The following KIAA0319L variants were observed in gnomAD, a reference collection of about 807,000 sequenced individuals.
KIAA0319L encodes the protein KIAA0319 like.
KIAA0319L carries 55 observed loss-of-function variants against 120.1 expected under a neutral mutation model. That is an observed-to-expected ratio of 0.46 (90% CI 0.37 to 0.57). The LOEUF is 0.57. Ranked by LOEUF, KIAA0319L falls within the 20% of genes least tolerant of loss-of-function variation. The pLI is 0.00. For missense variants in KIAA0319L, 1,049 were observed against 1,255.3 expected, an observed-to-expected ratio of 0.84 and a Z score of 2.48; for synonymous variants, 398 against 471.9, an observed-to-expected ratio of 0.84 and a Z score of 2.03.
At chr1:35,448,771 A>G (rs982966867) in intron 15 of KIAA0319L, among the ~76,000 whole-genome samples, 6 of 152,150 alleles carry the variant, frequency 3.9e-5, no homozygotes, top group African/African-American at 1.4e-4. Context: ...AATGGGAGGA[A>G]AAGTGTCCAT....
intron 3 of KIAA0319L, among the ~76,000 whole-genome samples, chr1:35,482,877 G>GATTATA (rs1644231921): frequency 1.3e-5 from 2 of 152,184 alleles, no homozygotes; most frequent in Admixed American, 6.5e-5. Flanking sequence ...ACCACCACCA[G>GATTATA]TGTATTTCAG....
At chr1:35,441,020 A>G (rs766513650) in intron 20 of KIAA0319L, 27 bp downstream of exon 20, 1 of 1,577,618 alleles carries the variant, frequency 6.3e-7, no homozygotes, top group South Asian at 1.1e-5. Flanking sequence ...GCACAGACCT[A>G]GAAGCTCTGG....
chr1:35,454,581 A>G, intron 10 of KIAA0319L, 96 bp from the exon 11 acceptor site: 1 of 1,543,096 alleles, frequency 6.5e-7, no homozygotes, highest in Non-Finnish European at 8.8e-7. Flanking sequence ...TTTCTAAACC[A>G]AAGACCTAAG....
At chr1:35,480,659 G>T (rs1197035915) in intron 3 of KIAA0319L, among the ~76,000 whole-genome samples, 2 of 152,058 alleles carry the variant, frequency 1.3e-5, no homozygotes, top group Admixed American at 6.6e-5. Context: ...GTACACGCCT[G>T]TAGTCCCAGC....
rs773630946 is a variant in KIAA0319L, at chr1:35,456,189, T to C, written c.1480A>G (p.Thr494Ala). ...GATNSTTANL[T>A]VNKAVDYPPV... ...GGGTAATCCACAGCTTTGTTCACTG[T>C]CAGGTTTGCAGTAGTAGAGTTGGTA... Residue 494 changes from threonine (T) to alanine (A), a missense_variant, in exon 10 of 21, where the codon ACA becomes GCA. Coordinates refer to ENST00000325722, the MANE Select transcript of KIAA0319L (RefSeq NM_024874.5). The C allele has an allele frequency of 6.2e-7, 1 of 1,611,956 alleles. No homozygotes were observed.
intron 4 of KIAA0319L, among the ~76,000 whole-genome samples, 157 bp downstream of exon 4, chr1:35,478,809 A>G (rs76739912): frequency 0.018 from 2,817 of 152,318 alleles, 91 homozygotes; most frequent in African/African-American, 0.065. Flanking sequence ...AAGGCTCTAG[A>G]GCCCCCAGTC....
At position 35,549,953 on chromosome 1, in the gene KIAA0319L, T is replaced by C. The variant is rs140506841; in HGVS notation, c.142+4397A>G. On this transcript the variant is annotated intron_variant, in intron 2 of 20. Coordinates refer to ENST00000325722, the MANE Select transcript of KIAA0319L (RefSeq NM_024874.5). ...GTCTGCTCTCAAGAAGCTGACAATC[T>C]ATTGTAGGAATTTCCAAAACTCCTG... 7.2e-5 allele frequency among the ~76,000 whole-genome samples: 11 copies of C among 152,334 alleles called. No homozygotes were observed. In the East Asian group the frequency reaches 1.9e-3, roughly 27 times the overall value.
At chr1:35,555,158 T>C (rs746298716) in intron 1 of KIAA0319L, among the ~76,000 whole-genome samples, 15 of 152,158 alleles carry the variant, frequency 9.9e-5, no homozygotes, top group Non-Finnish European at 2.1e-4. Context: ...GGCTGGATTA[T>C]TTAGGTCTCT....
intron 2 of KIAA0319L, among the ~76,000 whole-genome samples, chr1:35,549,723 A>G (rs1219869716): frequency 6.6e-6 from 1 of 152,212 alleles, no homozygotes; most frequent in Non-Finnish European, 1.5e-5. Flanking sequence ...ATTTTAGTCA[A>G]TCTTGTTGGT....
At chr1:35,494,837 C>T in intron 3 of KIAA0319L, among the ~76,000 whole-genome samples, 1 of 152,086 alleles carries the variant, frequency 6.6e-6, no homozygotes, top group Non-Finnish European at 1.5e-5. Flanking sequence ...GTTATCAAGA[C>T]AGTGTAGAAC....
chr1:35,528,852 T>C (rs2148463071), intron 2 of KIAA0319L, among the ~76,000 whole-genome samples: 1 of 152,352 alleles, frequency 6.6e-6, no homozygotes, highest in South Asian at 2.1e-4. Context: ...CATTATATAA[T>C]GACCTTCTTT....
At chr1:35,499,180 G>A (rs1470063940) in intron 3 of KIAA0319L, among the ~76,000 whole-genome samples, 1 of 152,176 alleles carries the variant, frequency 6.6e-6, no homozygotes, top group East Asian at 1.9e-4. Context: ...GTTGTTAAGG[G>A]ACCCACACCA....
rs1238637498 is a variant in KIAA0319L at position 35,435,273 on chromosome 1, A to G, written c.2963-192T>C. 3 of 595,288 alleles carry G rather than the reference A, an allele frequency of 5.0e-6. No homozygotes were observed. The African/African-American group carries it at 5.6e-5, about 11-fold the overall frequency. The allele number at this position is 595,288 out of a possible 1,614,324, so 36.9% of individuals were successfully genotyped here. A position where few individuals can be genotyped will look rare whatever the true frequency, so the allele number is the denominator to read the frequency against. ...CCCAACTGGTTGGAACAGTCCACTA[A>G]GGGGTGTCACAGAGTACGGATGAGA... On this transcript the variant is annotated intron_variant, in intron 20 of 20. Coordinates refer to ENST00000325722, the MANE Select transcript of KIAA0319L (RefSeq NM_024874.5).
At chr1:35,446,591 C>G (rs1324794106) in intron 16 of KIAA0319L, among the ~76,000 whole-genome samples, 1 of 152,198 alleles carries the variant, frequency 6.6e-6, no homozygotes, top group African/African-American at 2.4e-5. Context: ...TCTCACCACA[C>G]CTCCATCCCT....
intron 1 of KIAA0319L, 94 bp downstream of exon 1, chr1:35,557,113 C>A: frequency 6.4e-6 from 1 of 156,576 alleles, no homozygotes; most frequent in South Asian, 1.8e-4. Flanking sequence ...ACCCAACATC[C>A]GGCCAGCGCA....
chr1:35,451,830 C>T, intron 12 of KIAA0319L, 54 bp from the exon 13 acceptor site: 1 of 1,574,294 alleles, frequency 6.4e-7, no homozygotes, highest in Non-Finnish European at 8.7e-7. Flanking sequence ...GCTGTCCTGT[C>T]CCTAACTTAG....
At chr1:35,543,669 T>C (rs935331834) in intron 2 of KIAA0319L, among the ~76,000 whole-genome samples, 2 of 152,220 alleles carry the variant, frequency 1.3e-5, no homozygotes, top group Non-Finnish European at 2.9e-5. Flanking sequence ...AGGTACCTTT[T>C]TCCTGCCAGG....
intron 8 of KIAA0319L, among the ~76,000 whole-genome samples, chr1:35,461,980 A>G (rs1246493804): frequency 6.6e-6 from 1 of 152,080 alleles, no homozygotes; most frequent in Non-Finnish European, 1.5e-5. Context: ...CAAAAAATCA[A>G]AACAAAACAA....
intron 2 of KIAA0319L, among the ~76,000 whole-genome samples, chr1:35,551,784 A>T (rs1328311990): frequency 1.3e-5 from 2 of 152,130 alleles, no homozygotes; most frequent in Non-Finnish European, 2.9e-5. Flanking sequence ...AAAAGCTCCA[A>T]ATTTTTCTAA....
Sources: allele counts gnomAD v4.1 joint callset (sites outside exome capture counted in the v4.1 genomes callset), GRCh38; gene constraint gnomAD v4.1.1; transcripts MANE v1.5; gene names NCBI Gene and HGNC (gene_info 2026-07-23, HGNC 2026-07-21).